The following KIAA1671 variants were observed in gnomAD, a reference collection of about 807,000 sequenced individuals.
KIAA1671 encodes the protein KIAA1671.
In KIAA1671, 52 loss-of-function variants were observed where a neutral mutation model predicts 131.2. The ratio of observed to expected loss-of-function variants is 0.40; its 90% CI spans 0.32 to 0.50. The LOEUF (loss-of-function observed/expected upper bound fraction) is 0.50. Ranked by LOEUF, KIAA1671 falls within the 20% of genes least tolerant of loss-of-function variation. The pLI is 0.73. For synonymous variants in KIAA1671, 1,003 were observed against 961.6 expected, an observed-to-expected ratio of 1.04 and a Z score of -0.80; for missense variants, 2,360 against 2,364.2, an observed-to-expected ratio of 1.00 and a Z score of 0.04.
chr22:25,085,304 C>A (rs1490330812), intron 6 of KIAA1671, among the ~76,000 whole-genome samples: 1 of 152,220 alleles, frequency 6.6e-6, no homozygotes, highest in Non-Finnish European at 1.5e-5. Context: ...GGGGAACCAA[C>A]ACTGCTGCTG....
intron 6 of KIAA1671, among the ~76,000 whole-genome samples, chr22:25,101,119 C>G (rs145770055): frequency 6.6e-6 from 1 of 152,162 alleles, no homozygotes; most frequent in Non-Finnish European, 1.5e-5. Flanking sequence ...TGGAAAGAAA[C>G]GTGTTGTCCA....
chr22:24,988,709 C>A (rs1427604028), intron 1 of KIAA1671, among the ~76,000 whole-genome samples: 1 of 140,782 alleles, frequency 7.1e-6, no homozygotes, highest in East Asian at 2.1e-4. Context: ...GCACTCCAGC[C>A]TGGGTGAAAG....
intron 5 of KIAA1671, among the ~76,000 whole-genome samples, chr22:25,046,971 GT>G (rs151333876): frequency 0.49 from 61,613 of 125,342 alleles, 14,412 homozygotes; most frequent in African/African-American, 0.69. Context: ...TGTCTTGAGA[GT>G]TTTTTTTTTT....
In KIAA1671 at chr22:25,042,463, G is replaced by GTTTTTTTTTTTTTTTTTTTTTTTTTTT. The variant is rs3063202; in HGVS notation, c.4395+959_4395+960insTTTTTTTTTTTTTTTTTTTTTTTTTTT. On this transcript the variant is annotated intron_variant, in intron 5 of 12. Transcript: ENST00000358431. Reference sequence around the variant, plus strand: ...TGGTTTTGGGTTCCAGCAGTCCCTTGTTTTTTTTTTTTTTTTTTTTTGAGA... The same window carrying GTTTTTTTTTTTTTTTTTTTTTTTTTTT: ...TGGTTTTGGGTTCCAGCAGTCCCTTGTTTTTTTTTTTTTTTTTTTTTTTTTTTTTTTTTTTTTTTTTTTTTTTTGAGA... Among the ~76,000 whole-genome samples the GTTTTTTTTTTTTTTTTTTTTTTTTTTT allele has an allele frequency of 2.9e-5, 3 of 104,892 alleles. 1 individual carries two copies. Among genetic ancestry groups the GTTTTTTTTTTTTTTTTTTTTTTTTTTT allele is most frequent in the African/African-American group, 3.8e-5 (1 of 26,418 alleles). The allele number at this position is 104,892 out of a possible 152,430, so 68.8% of individuals were successfully genotyped here.
intron 6 of KIAA1671, among the ~76,000 whole-genome samples, chr22:25,095,836 G>A (rs1177840244): frequency 6.6e-6 from 1 of 152,172 alleles, no homozygotes; most frequent in African/African-American, 2.4e-5. Context: ...TCACCGTTCT[G>A]GTTAGCCTTC....
intron 1 of KIAA1671, among the ~76,000 whole-genome samples, chr22:24,987,177 T>A (rs9624690): frequency 0.056 from 8,445 of 150,920 alleles, 560 homozygotes; most frequent in African/African-American, 0.16. Context: ...TATTATTTTT[T>A]TTTTTTTTTC....
rs71191028 is a variant in KIAA1671 at position 25,093,768 on chromosome 22, G to GTCTCTC, written c.4530+44442_4530+44447dup. On this transcript the variant is annotated intron_variant, in intron 6 of 12. Transcript: ENST00000358431. ...TCTCTCTCTCTCTCTCTCTCTCTCT[G>GTCTCTC]TCTCTCTCTCTCTCTCTCTCTCTCT... Among the ~76,000 whole-genome samples, 209 of 60,740 alleles carry GTCTCTC rather than the reference G, an allele frequency of 3.4e-3. 9 individuals carry two copies. The highest frequency in any genetic ancestry group is 0.017 in the East Asian group (40 of 2,358). 39.8% of individuals were successfully genotyped at this position (60,740 alleles called of 152,430 possible).
At chr22:24,983,935 C>T (rs1358695107) in intron 1 of KIAA1671, among the ~76,000 whole-genome samples, 2 of 151,952 alleles carry the variant, frequency 1.3e-5, no homozygotes, top group African/African-American at 2.4e-5. Context: ...TGCACCACCA[C>T]GCCCAGCTAA....
intron 6 of KIAA1671, among the ~76,000 whole-genome samples, chr22:25,106,161 C>T (rs923748718): frequency 6.6e-6 from 1 of 152,166 alleles, no homozygotes; most frequent in Non-Finnish European, 1.5e-5. Flanking sequence ...GAAAGGGCAA[C>T]AACTGGGGCA....
intron 6 of KIAA1671, among the ~76,000 whole-genome samples, chr22:25,128,667 G>T (rs1932294895): frequency 2.0e-5 from 3 of 151,932 alleles, no homozygotes; most frequent in Admixed American, 2.0e-4. Flanking sequence ...GGGCTTTTCT[G>T]TGGGTGCCCC....
intron 6 of KIAA1671, among the ~76,000 whole-genome samples, chr22:25,067,554 C>G (rs1008965970): frequency 6.6e-6 from 1 of 152,014 alleles, no homozygotes; most frequent in African/African-American, 2.4e-5. Flanking sequence ...TCTTGCCCTT[C>G]CCTCCCTGTC....
chr22:25,103,999 G>A (rs192584362), intron 6 of KIAA1671, among the ~76,000 whole-genome samples: 1 of 152,066 alleles, frequency 6.6e-6, no homozygotes, highest in Admixed American at 6.6e-5. Flanking sequence ...TTTGTTTTGA[G>A]ATGGAATCTT....
intron 6 of KIAA1671, among the ~76,000 whole-genome samples, chr22:25,164,157 T>C (rs1933558645): frequency 6.6e-6 from 1 of 152,176 alleles, no homozygotes; most frequent in Non-Finnish European, 1.5e-5. Flanking sequence ...TTCAGAGCAT[T>C]GTAACCTACA....
chr22:25,075,869 G>A (rs925860523), intron 6 of KIAA1671, among the ~76,000 whole-genome samples: 5 of 150,798 alleles, frequency 3.3e-5, no homozygotes, highest in African/African-American at 9.8e-5. Flanking sequence ...TCCTCCTCCC[G>A]GGTTCAAGCG....
intron 6 of KIAA1671, among the ~76,000 whole-genome samples, chr22:25,136,055 C>T (rs1932662538): frequency 6.6e-6 from 1 of 152,210 alleles, no homozygotes; most frequent in Non-Finnish European, 1.5e-5. Flanking sequence ...AGGGCTTGCA[C>T]TTGAGACCAG....
intron 1 of KIAA1671, among the ~76,000 whole-genome samples, chr22:24,986,639 C>T: frequency 7.6e-6 from 1 of 130,796 alleles, no homozygotes; most frequent in Non-Finnish European, 1.6e-5. Flanking sequence ...AACCACCCAC[C>T]CACCCATCCA....
At chr22:25,066,867 G>A (rs1928503745) in intron 6 of KIAA1671, among the ~76,000 whole-genome samples, 1 of 152,184 alleles carries the variant, frequency 6.6e-6, no homozygotes, top group African/African-American at 2.4e-5. Flanking sequence ...TCCCAAGAGT[G>A]ATGAGGAAGC....
At chr22:25,093,322 T>C (rs1930113275) in intron 6 of KIAA1671, among the ~76,000 whole-genome samples, 2 of 152,136 alleles carry the variant, frequency 1.3e-5, no homozygotes, top group African/African-American at 2.4e-5. Context: ...ATTTCTCATC[T>C]TTCAAGAGGA....
intron 6 of KIAA1671, chr22:25,053,786 G>A (rs1466955618): frequency 6.6e-6 from 1 of 152,384 alleles, no homozygotes; most frequent in Non-Finnish European, 1.5e-5. Context: ...GGCTGAGGTA[G>A]AGTGTTTAGG....
Sources: gnomAD v4.1 joint callset for allele counts (sites outside exome capture counted in the v4.1 genomes callset) on GRCh38, gnomAD v4.1.1 for gene constraint, MANE v1.5 for transcripts, NCBI Gene and HGNC (gene_info 2026-07-23, HGNC 2026-07-21) for gene names.